The following RAD51B variants were observed in gnomAD, a reference collection of about 807,000 sequenced individuals.
The protein encoded by RAD51B is RAD51 paralog B.
A neutral mutation model predicts 42.2 loss-of-function variants in RAD51B; 38 were observed. That is an observed-to-expected ratio of 0.90 (90% CI 0.70 to 1.18). RAD51B has a LOEUF of 1.18. RAD51B is among the 50% of genes most tolerant of loss of function. The probability of loss-of-function intolerance (pLI) is 0.00; values close to 1 mark genes in which losing one functional copy is unlikely to be tolerated. For synonymous variants in RAD51B, 154 were observed against 145.2 expected, an observed-to-expected ratio of 1.06 and a Z score of -0.43; for missense variants, 373 against 400.7, an observed-to-expected ratio of 0.93 and a Z score of 0.59.
chr14:67,961,003 T>C (rs1359972664), intron 7 of RAD51B, among the ~76,000 whole-genome samples: 1 of 152,068 alleles, frequency 6.6e-6, no homozygotes, highest in Non-Finnish European at 1.5e-5. Context: ...TGTTCGTTTG[T>C]TCATTCATTC....
chr14:68,287,883 C>CA (rs1180175946), intron 7 of RAD51B, among the ~76,000 whole-genome samples: 1 of 152,154 alleles, frequency 6.6e-6, no homozygotes, highest in African/African-American at 2.4e-5. Flanking sequence ...ATCCTCAGAA[C>CA]CATGTGAGCT....
chr14:68,667,619 A>G (rs1429851918), intron 11 of RAD51B, among the ~76,000 whole-genome samples: 1 of 152,194 alleles, frequency 6.6e-6, no homozygotes, highest in Non-Finnish European at 1.5e-5. Context: ...TTGGATTCCC[A>G]GGCCAACACT....
intron 11 of RAD51B, among the ~76,000 whole-genome samples, chr14:68,661,617 G>A (rs1892934971): frequency 6.6e-6 from 1 of 152,218 alleles, no homozygotes. Flanking sequence ...CTCCATCATG[G>A]GTTGGTATGC....
intron 7 of RAD51B, among the ~76,000 whole-genome samples, chr14:67,979,652 A>G (rs530125692): frequency 9.2e-5 from 14 of 152,092 alleles, no homozygotes; most frequent in Admixed American, 2.6e-4. Flanking sequence ...ATCTGGCCCC[A>G]TTTTTCAACA....
intron 10 of RAD51B, among the ~76,000 whole-genome samples, chr14:68,564,547 G>T (rs1366248019): frequency 6.6e-6 from 1 of 152,174 alleles, no homozygotes; most frequent in East Asian, 1.9e-4. Context: ...GGTTGGAGAA[G>T]CTTCACGATC....
At chr14:68,238,038 G>A (rs979979711) in intron 7 of RAD51B, among the ~76,000 whole-genome samples, 18 of 152,034 alleles carry the variant, frequency 1.2e-4, no homozygotes, top group African/African-American at 3.9e-4. Context: ...ATATATCTCC[G>A]AGTAGAATTG....
chr14:67,892,606 C>G (rs542952552), intron 7 of RAD51B, among the ~76,000 whole-genome samples: 1 of 152,286 alleles, frequency 6.6e-6, no homozygotes, highest in East Asian at 1.9e-4. Context: ...GAATACTCTG[C>G]CTAGTAAGGG....
At chr14:68,064,673 C>A (rs893757930) in intron 7 of RAD51B, among the ~76,000 whole-genome samples, 1 of 151,238 alleles carries the variant, frequency 6.6e-6, no homozygotes, top group African/African-American at 2.4e-5. Flanking sequence ...TGTTTTTTCT[C>A]TTTTATTCTT....
intron 7 of RAD51B, among the ~76,000 whole-genome samples, chr14:68,051,586 T>C (rs562866815): frequency 1.3e-5 from 2 of 151,676 alleles, no homozygotes; most frequent in East Asian, 3.9e-4. Flanking sequence ...AATAATAGAG[T>C]TTGTTAATCT....
intron 9 of RAD51B, among the ~76,000 whole-genome samples, chr14:68,429,324 C>T (rs1212799810): frequency 2.6e-5 from 4 of 152,104 alleles, no homozygotes; most frequent in Admixed American, 6.5e-5. Flanking sequence ...CTTGAGGAAT[C>T]GCCACACTGA....
At chr14:68,272,383 T>C (rs1355110721) in intron 7 of RAD51B, among the ~76,000 whole-genome samples, 2 of 152,016 alleles carry the variant, frequency 1.3e-5, no homozygotes, top group Non-Finnish European at 2.9e-5. Context: ...GACCCAGTTA[T>C]GAATCCTTGC....
chr14:68,136,380 C>G (rs61987543), intron 7 of RAD51B, among the ~76,000 whole-genome samples: 68,467 of 107,384 alleles, frequency 0.64, 25,175 homozygotes, highest in East Asian at 0.87. Context: ...GAGATCGAGA[C>G]CATCCTGTCC....
intron 9 of RAD51B, among the ~76,000 whole-genome samples, chr14:68,455,737 A>AAT (rs1566894355): frequency 2.5e-4 from 38 of 152,162 alleles, no homozygotes; most frequent in Middle Eastern, 3.4e-3. Flanking sequence ...TAAAAAAAAA[A>AAT]TTTTTTTTTA....
rs148721413 is a variant in RAD51B at position 68,199,826 on chromosome 14, C to T, written c.757-92058C>T. 2.6e-5 allele frequency among the ~76,000 whole-genome samples: 4 copies of T among 152,292 alleles called. No homozygotes were observed. The East Asian group carries it at 5.8e-4, about 22-fold the overall frequency. The stretch of plus-strand genomic sequence containing the variant: ...TCCAGCTTCACTGAGAAAACCTTTG[C>T]TGCATGGTGATACGCCACCTACTTG... On this transcript the variant is annotated intron_variant, in intron 7 of 10. Transcript: ENST00000471583.
chr14:68,411,914 A>G (rs142045735), intron 9 of RAD51B, among the ~76,000 whole-genome samples: 12 of 152,280 alleles, frequency 7.9e-5, no homozygotes, highest in African/African-American at 2.4e-4. Context: ...GTGTACTTTG[A>G]AAATCTTAGG....
intron 10 of RAD51B, among the ~76,000 whole-genome samples, chr14:68,590,316 G>T (rs1031374053): frequency 5.3e-5 from 8 of 152,186 alleles, no homozygotes; most frequent in Non-Finnish European, 1.0e-4. Flanking sequence ...GGCTCAGGGG[G>T]CCAAGTTGAC....
chr14:68,127,615 AC>A (rs2077791623), intron 7 of RAD51B, among the ~76,000 whole-genome samples: 2 of 89,352 alleles, frequency 2.2e-5, no homozygotes, highest in Non-Finnish European at 4.5e-5. Context: ...ACACACACAC[AC>A]ACACACACAC....
At chr14:68,610,883 GTGTC>G (rs1156589865) in intron 10 of RAD51B, 64 of 426,712 alleles carry the variant, frequency 1.5e-4, no homozygotes, top group African/African-American at 1.2e-3. Context: ...GTGTGTGTGT[GTGTC>G]ATCTCCCTAG....
chr14:68,615,675 T>C (rs1891811764), downstream of RAD51B, among the ~76,000 whole-genome samples: 1 of 152,214 alleles, frequency 6.6e-6, no homozygotes, highest in South Asian at 2.1e-4. Flanking sequence ...TATGAAATTG[T>C]CTCTCTTTAT....
Sources: allele counts gnomAD v4.1 joint callset (sites outside exome capture counted in the v4.1 genomes callset), GRCh38; gene constraint gnomAD v4.1.1; transcripts MANE v1.5; gene names NCBI Gene and HGNC (gene_info 2026-07-23, HGNC 2026-07-21).